The following DCC variants were observed in gnomAD, a reference collection of about 807,000 sequenced individuals.
DCC encodes DCC netrin 1 receptor, also known as netrin receptor DCC.
Under a neutral mutation model 172.5 loss-of-function variants are expected in DCC, and 58 were observed. The observed-to-expected ratio is 0.34, with a 90% CI of 0.27 to 0.42. DCC has a LOEUF of 0.42. DCC is among the 10% of genes least tolerant of loss of function. The probability of loss-of-function intolerance (pLI) is 1.00; values close to 1 mark genes in which losing one functional copy is unlikely to be tolerated. For missense variants in DCC, 1,740 were observed against 1,791.0 expected (o/e 0.97, Z 0.51); for synonymous variants, 709 against 644.5 (o/e 1.10, Z -1.52).
chr18:53,128,095 C>T (rs574439130), intron 7 of DCC, among the ~76,000 whole-genome samples: 1 of 152,102 alleles, frequency 6.6e-6, no homozygotes, highest in Non-Finnish European at 1.5e-5. Context: ...AAGTGTTAAG[C>T]TATGTTACTT....
intron 1 of DCC, among the ~76,000 whole-genome samples, chr18:52,412,413 A>C: frequency 6.6e-6 from 1 of 152,222 alleles, no homozygotes; most frequent in East Asian, 1.9e-4. Flanking sequence ...AAAGCAATAT[A>C]TACTATACTA....
chr18:52,971,597 T>G (rs892244557), intron 5 of DCC, among the ~76,000 whole-genome samples: 1 of 151,880 alleles, frequency 6.6e-6, no homozygotes, highest in Non-Finnish European at 1.5e-5. Flanking sequence ...AAGTAGGGAA[T>G]GACAGAAGCA....
intron 1 of DCC, among the ~76,000 whole-genome samples, chr18:52,418,684 G>C (rs976512499): frequency 6.6e-6 from 1 of 152,058 alleles, no homozygotes; most frequent in African/African-American, 2.4e-5. Flanking sequence ...CTCTCCCCCA[G>C]ATTCTCCCCT....
intron 1 of DCC, among the ~76,000 whole-genome samples, chr18:52,414,173 T>C (rs1222937): frequency 0.73 from 110,768 of 151,958 alleles, 40,558 homozygotes; most frequent in African/African-American, 0.76. Flanking sequence ...CTCCACCTCC[T>C]GGGTTCAAGT....
intron 15 of DCC, among the ~76,000 whole-genome samples, chr18:53,385,021 C>CTTT (rs35779527): frequency 2.5e-4 from 33 of 131,054 alleles, no homozygotes; most frequent in African/African-American, 3.8e-4. Flanking sequence ...TAATTTTTTT[C>CTTT]TTTTTTTTTT....
chr18:52,989,633 A>G (rs2041351071), intron 5 of DCC, among the ~76,000 whole-genome samples: 1 of 152,230 alleles, frequency 6.6e-6, no homozygotes, highest in Non-Finnish European at 1.5e-5. Context: ...GAATAAATAT[A>G]GATAAGATAT....
At chr18:53,011,646 G>T (rs1257207582) in intron 5 of DCC, among the ~76,000 whole-genome samples, 2 of 151,746 alleles carry the variant, frequency 1.3e-5, no homozygotes. Context: ...TTTTGTATTT[G>T]CATATGTTTA....
intron 23 of DCC, among the ~76,000 whole-genome samples, chr18:53,456,092 G>T (rs777886910): frequency 1.3e-5 from 2 of 152,228 alleles, no homozygotes; most frequent in Non-Finnish European, 2.9e-5. Flanking sequence ...CAATGCCAAG[G>T]TGAGTGGTAC....
chr18:53,245,949 G>A (rs2056359771), intron 12 of DCC, among the ~76,000 whole-genome samples: 2 of 151,978 alleles, frequency 1.3e-5, no homozygotes, highest in Non-Finnish European at 2.9e-5. Context: ...GGAGTTGGCT[G>A]AGCATTTTGG....
intron 1 of DCC, among the ~76,000 whole-genome samples, chr18:52,550,815 TTAA>T (rs1322169339): frequency 6.6e-6 from 1 of 151,950 alleles, no homozygotes; most frequent in Non-Finnish European, 1.5e-5. Flanking sequence ...GTGTAAGATG[TTAA>T]TAATGGGAGA....
rs1162617093 is a variant in DCC at position 53,087,940 on chromosome 18, C to A, written c.1261+21774C>A. ...ATATGCGACGTTATTTCTGAGGCCT[C>A]TGTTCTGTTCCATTGATCTATATCT... On this transcript the variant is annotated intron_variant, in intron 7 of 28. Coordinates refer to ENST00000442544, the MANE Select transcript of DCC (RefSeq NM_005215.4). Among the ~76,000 whole-genome samples, 3 of 152,076 alleles carry A rather than the reference C, an allele frequency of 2.0e-5. 1 individual carries two copies. The Middle Eastern group carries it at 0.01, about 517-fold the overall frequency.
intron 2 of DCC, among the ~76,000 whole-genome samples, chr18:52,798,406 G>A (rs2037919330): frequency 1.3e-5 from 2 of 152,158 alleles, no homozygotes; most frequent in Non-Finnish European, 2.9e-5. Context: ...GTCTCACTTT[G>A]TTGCTCAGGC....
intron 2 of DCC, among the ~76,000 whole-genome samples, chr18:52,810,262 G>A (rs2038169264): frequency 6.6e-6 from 1 of 152,142 alleles, no homozygotes; most frequent in African/African-American, 2.4e-5. Flanking sequence ...CTAAGGCAGG[G>A]AGGGGATCCA....
intron 15 of DCC, among the ~76,000 whole-genome samples, chr18:53,351,466 G>GTGTGTATATATATA (rs1568075540): frequency 1.1e-4 from 4 of 37,294 alleles, no homozygotes; most frequent in Non-Finnish European, 1.5e-4. Context: ...TACACAGTGT[G>GTGTGTATATATATA]TATATATATA....
intron 2 of DCC, among the ~76,000 whole-genome samples, chr18:52,898,610 C>T (rs1028236589): frequency 6.6e-6 from 1 of 151,912 alleles, no homozygotes; most frequent in Admixed American, 6.6e-5. Context: ...GACTATTGTT[C>T]TCCTTATTTT....
At position 53,526,997 on chromosome 18, in the gene DCC, C is replaced by G. The variant is rs1598851535; in HGVS notation, c.4254+238C>G. 5.8e-6 allele frequency: 3 copies of G among 521,480 alleles called. No homozygotes were observed. The East Asian group carries it at 1.1e-4, about 18-fold the overall frequency. 32.3% of individuals were successfully genotyped at this position (521,480 alleles called of 1,614,324 possible). Reference sequence around the variant, plus strand: ...AAAAAAGTTGATTCTTAAGGACAGTCTTAGAAATATGACCAGATAGCTACA... The same window carrying G: ...AAAAAAGTTGATTCTTAAGGACAGTGTTAGAAATATGACCAGATAGCTACA... On this transcript the variant is annotated intron_variant, in intron 28 of 28. Transcript: ENST00000442544.
intron 1 of DCC, among the ~76,000 whole-genome samples, chr18:52,425,722 T>A (rs969172115): frequency 6.6e-6 from 1 of 152,110 alleles, no homozygotes. Context: ...CCCTCATTCA[T>A]TGGGATCCCA....
At chr18:52,845,976 TTATGTAA>T (rs2038881119) in intron 2 of DCC, among the ~76,000 whole-genome samples, 1 of 152,236 alleles carries the variant, frequency 6.6e-6, no homozygotes. Context: ...TTCAGTGTGC[TTATGTAA>T]GGATCCAAGG....
chr18:52,852,148 T>C (rs150486375), intron 2 of DCC, among the ~76,000 whole-genome samples: 24 of 152,258 alleles, frequency 1.6e-4, no homozygotes, highest in African/African-American at 5.5e-4. Context: ...ACATCTTCAG[T>C]TTATCTTACT....
Sources: allele counts gnomAD v4.1 joint callset (sites outside exome capture counted in the v4.1 genomes callset), GRCh38; gene constraint gnomAD v4.1.1; transcripts MANE v1.5; gene names NCBI Gene and HGNC (gene_info 2026-07-23, HGNC 2026-07-21).